Variants in KIF17 observed in about 807,000 individuals in gnomAD.
KIF17 encodes kinesin family member 17, also known as kinesin-like protein KIF17.
Under a neutral mutation model 96.8 loss-of-function variants are expected in KIF17, and 80 were observed. That is an observed-to-expected ratio of 0.83 (90% CI 0.69 to 1.00). KIF17 has a LOEUF of 1.00. Ranked by LOEUF, KIF17 falls within the 50% of genes least tolerant of loss-of-function variation. KIF17 has a pLI of 0.00. For synonymous variants in KIF17, 567 were observed against 587.5 expected, an observed-to-expected ratio of 0.97 and a Z score of 0.51; for missense variants, 1,280 against 1,372.9, an observed-to-expected ratio of 0.93 and a Z score of 1.07.
Position 20,687,257 on chromosome 1 carries a change from C to T in KIF17, c.1938+131G>A. 1 of 1,024,272 alleles carries T rather than the reference C, an allele frequency of 9.8e-7. No individual in the cohort carries two copies. Among genetic ancestry groups the T allele is most frequent in the East Asian group, 2.4e-5 (1 of 41,906 alleles). The allele number at this position is 1,024,272 out of a possible 1,614,324, so 63.4% of individuals were successfully genotyped here. On this transcript the variant is annotated intron_variant, in intron 8 of 14. Transcript: ENST00000400463. This position sits in a 1 kb window ranked among gnomAD's most constrained non-coding sequence, Gnocchi z 4.4. ...CCAGCCACCAGTGCCAGAGCCGCAG[C>T]AGACACAGTGGAGCCACGGCCTGAG...
In KIF17 at chr1:20,685,525, C is replaced by A. The variant is rs2053921949; in HGVS notation, c.2020-505G>T. Among the ~76,000 whole-genome samples, 1 of 152,060 alleles carries A rather than the reference C, an allele frequency of 6.6e-6. No homozygotes were observed. The highest frequency in any genetic ancestry group is 6.6e-5 in the Admixed American group (1 of 15,264). On this transcript the variant is annotated intron_variant, in intron 9 of 14. Transcript: ENST00000400463. The surrounding 1 kb of genome is among the most constrained non-coding windows in gnomAD (Gnocchi z 4.1). ...CCGTCCCTCCTTCACGCCTGGGTCCCACCCCAGAGTCACTTCCTAGCCAGG... is the reference window on the plus strand; with the variant it reads ...CCGTCCCTCCTTCACGCCTGGGTCCAACCCCAGAGTCACTTCCTAGCCAGG...
intron 4 of KIF17, among the ~76,000 whole-genome samples, chr1:20,706,793 G>A (rs940954977): frequency 2.6e-5 from 4 of 152,004 alleles, no homozygotes; most frequent in African/African-American, 9.7e-5. Context: ...AGAGGCTGAG[G>A]TGGGATGATC....
chr1:20,714,525 G>A lies in KIF17; in HGVS notation c.378+968C>T, dbSNP rs1340586368. On this transcript the variant is annotated intron_variant, in intron 2 of 14. Coordinates refer to ENST00000400463, the MANE Select transcript of KIF17 (RefSeq NM_001122819.3). ...ACAAAAACAAACAAAGAAAAAGTGC[G>A]GTGGCTGACACCTGTAATCCCAACA... Among the ~76,000 whole-genome samples, 4 of 151,670 alleles carry A rather than the reference G, an allele frequency of 2.6e-5. No individual in the cohort carries two copies. The East Asian group carries it at 5.8e-4, about 22-fold the overall frequency.
In KIF17 at chr1:20,691,732, G is replaced by C. The variant is rs143403911; in HGVS notation, c.1234-1397C>G. ...GATCCACCAGCCTCAGCCTCCCAAA[G>C]TGCTGGGATTACAGGCATGAGCCAC... On this transcript the variant is annotated intron_variant, in intron 6 of 14. Coordinates refer to ENST00000400463, the MANE Select transcript of KIF17 (RefSeq NM_001122819.3). Among the ~76,000 whole-genome samples, 253 of 151,200 alleles carry C rather than the reference G, an allele frequency of 1.7e-3. 1 individual carries two copies. The highest frequency in any genetic ancestry group is 5.9e-3 in the African/African-American group (242 of 41,190).
intron 4 of KIF17, among the ~76,000 whole-genome samples, chr1:20,706,206 T>C (rs2054338311): frequency 6.6e-6 from 1 of 151,056 alleles, no homozygotes; most frequent in African/African-American, 2.4e-5. Flanking sequence ...GTGCCCAGAC[T>C]TGTTGATTTT....
chr1:20,713,676 G>A (rs917215489), intron 2 of KIF17, 121 bp from the exon 3 acceptor site: 52 of 765,796 alleles, frequency 6.8e-5, no homozygotes, highest in Non-Finnish European at 9.6e-5. Flanking sequence ...AGGGACATCG[G>A]GGCAAGAGGA....
intron 6 of KIF17, chr1:20,693,832 G>GGTGTGAATGA (rs1175219180): frequency 2.0e-5 from 3 of 152,144 alleles, no homozygotes; most frequent in Non-Finnish European, 4.4e-5. Context: ...GGTGTGAATG[G>GGTGTGAATGA]TGTGTGAGCT....
downstream of KIF17, among the ~76,000 whole-genome samples, chr1:20,661,929 T>C (rs1487240594): frequency 6.6e-6 from 1 of 152,256 alleles, no homozygotes; most frequent in African/African-American, 2.4e-5. Flanking sequence ...GGCCATGGCA[T>C]GGACGGGCCT....
At position 20,682,834 on chromosome 1, in the gene KIF17, T is replaced by G. The variant is rs1217578002; in HGVS notation, c.2282A>C (p.Lys761Thr). Residue 761 changes from lysine to threonine, a missense_variant, in exon 11 of 15, where the codon AAG (lysine) becomes ACG (threonine). Physicochemically the swap from Lys to Thr is moderately conservative, Grantham distance 78. Transcript: ENST00000400463. Reference protein sequence around the residue: ...QVVGGEQAKNKDLKEKHKRRK... With the variant: ...QVVGGEQAKNTDLKEKHKRRK... ...CCGCTTGTGCTTCTCCTTCAGGTCC[T>G]TGTTCTTGGCCTGCTCTCCACCCAC... 1 of 1,612,482 alleles carries G rather than the reference T, an allele frequency of 6.2e-7. No homozygotes were observed.
intron 13 of KIF17, among the ~76,000 whole-genome samples, chr1:20,667,127 G>C (rs1392417618): frequency 1.3e-5 from 2 of 152,292 alleles, no homozygotes; most frequent in East Asian, 1.9e-4. Flanking sequence ...GTTAGGAACT[G>C]GGCTGCACAG....
Position 20,690,183 on chromosome 1 carries a change from C to T in KIF17, c.1381+5G>A. ...AGACAGCCTCGGGGGGCAAGGGGTGCCCACCTGTCTCCTTCCGCAGGTTCT... is the reference window on the plus strand; with the variant it reads ...AGACAGCCTCGGGGGGCAAGGGGTGTCCACCTGTCTCCTTCCGCAGGTTCT... On this transcript the variant is annotated splice_donor_5th_base_variant and intron_variant, in intron 7 of 14. Coordinates refer to ENST00000400463, the MANE Select transcript of KIF17 (RefSeq NM_001122819.3). The T allele has an allele frequency of 1.2e-6, 2 of 1,614,060 alleles. No individual in the cohort carries two copies. The highest frequency in any genetic ancestry group is 1.7e-6 in the Non-Finnish European group (2 of 1,180,028).
intron 11 of KIF17, among the ~76,000 whole-genome samples, chr1:20,680,520 T>TA (rs1194690431): frequency 6.6e-6 from 1 of 151,970 alleles, no homozygotes; most frequent in Non-Finnish European, 1.5e-5. Context: ...AAGGTTATGG[T>TA]GAGCTATGAT....
Position 20,709,602 on chromosome 1 carries a change from C to T in KIF17, c.670+37G>A, listed in dbSNP as rs780991461. 3.7e-6 allele frequency: 6 copies of T among 1,610,892 alleles called. No individual in the cohort carries two copies. Among genetic ancestry groups the T allele is most frequent in the Non-Finnish European group, 4.2e-6 (5 of 1,178,430 alleles). On this transcript the variant is annotated intron_variant, in intron 4 of 14. Coordinates refer to ENST00000400463, the MANE Select transcript of KIF17 (RefSeq NM_001122819.3). The surrounding 1 kb of genome is among the most constrained non-coding windows in gnomAD (Gnocchi z 4.7). ...CCTTGGCTAGTGGGAGTGGCTGGGTCATCTGTCCCCCTGCCCCCAACAATG... is the reference window on the plus strand; with the variant it reads ...CCTTGGCTAGTGGGAGTGGCTGGGTTATCTGTCCCCCTGCCCCCAACAATG...
Position 20,687,577 on chromosome 1 carries a change from C to T in KIF17, c.1749G>A (p.Gln583=). 3 of 1,614,010 alleles carry T rather than the reference C, an allele frequency of 1.9e-6. No individual in the cohort carries two copies. The highest frequency in any genetic ancestry group is 2.5e-6 in the Non-Finnish European group (3 of 1,179,948). ...SRYFLDECLG[Q]EAAGHLLGEQ... The stretch of plus-strand genomic sequence containing the variant: ...CCCCCAGCAGGTGCCCAGCGGCCTC[C>T]TGCCCGAGGCACTCATCCAGGAAGT... Residue 583 remains glutamine, a synonymous_variant, in exon 8 of 15, where the codon CAG becomes CAA. Transcript: ENST00000400463. This position sits in a 1 kb window ranked among gnomAD's most constrained non-coding sequence, Gnocchi z 4.4.
chr1:20,692,022 C>G (rs1232262507), intron 6 of KIF17, among the ~76,000 whole-genome samples: 1 of 152,230 alleles, frequency 6.6e-6, no homozygotes, highest in African/African-American at 2.4e-5. Context: ...CTCTCTCTGA[C>G]ACAGCCATAG....
Position 20,717,747 on chromosome 1 carries a change from G to C in KIF17, c.-41C>G, listed in dbSNP as rs1200739290. ...ACCAACGGGACCAGAGCTGACCCCC[G>C]CCCCGCCGGGGACTCCCAGCAGCCC... On this transcript the variant is annotated 5_prime_UTR_variant, in exon 1 of 15. Coordinates refer to ENST00000400463, the MANE Select transcript of KIF17 (RefSeq NM_001122819.3). The C allele has an allele frequency of 1.3e-6, 2 of 1,510,170 alleles. No homozygotes were observed. Among genetic ancestry groups the C allele is most frequent in the South Asian group, 1.2e-5 (1 of 81,656 alleles). The allele number at this position is 1,510,170 out of a possible 1,614,324, so 93.5% of individuals were successfully genotyped here. A position where few individuals can be genotyped will look rare whatever the true frequency, so the allele number is the denominator to read the frequency against.
chr1:20,675,477 G>A (rs1285847423), intron 11 of KIF17, among the ~76,000 whole-genome samples: 1 of 151,722 alleles, frequency 6.6e-6, no homozygotes, highest in Non-Finnish European at 1.5e-5. Context: ...ATTGATGACT[G>A]TAAATATGAG....
intron 6 of KIF17, chr1:20,692,776 CT>C (rs35531322): frequency 0.45 from 62,406 of 139,208 alleles, 13,461 homozygotes; most frequent in African/African-American, 0.56. Context: ...GGGACTCTTT[CT>C]TTTTTTTTTT....
chr1:20,712,182 G>T (rs907833640), intron 3 of KIF17, among the ~76,000 whole-genome samples: 1 of 152,080 alleles, frequency 6.6e-6, no homozygotes, highest in African/African-American at 2.4e-5. Context: ...GGGGAGGAGG[G>T]CTCCCTGCTG....
Sources: allele counts gnomAD v4.1 joint callset (sites outside exome capture counted in the v4.1 genomes callset), GRCh38; gene constraint gnomAD v4.1.1; non-coding constraint Gnocchi (gnomAD v3.1); transcripts MANE v1.5; gene names NCBI Gene and HGNC (gene_info 2026-07-23, HGNC 2026-07-21).